The following ZFHX3 variants were observed in gnomAD, a reference collection of about 807,000 sequenced individuals.
ZFHX3 encodes the protein zinc finger homeobox 3, also known as zinc finger homeobox protein 3.
In ZFHX3, 42 loss-of-function variants were observed where a neutral mutation model predicts 279.1. The observed-to-expected ratio is 0.15, with a 90% CI of 0.12 to 0.19. The LOEUF is 0.19. Ranked by LOEUF, ZFHX3 falls within the 10% of genes least tolerant of loss-of-function variation. ZFHX3 has a pLI of 1.00. For synonymous variants in ZFHX3, 2,293 were observed against 1,957.8 expected (o/e 1.17, Z -4.52); for missense variants, 4,981 against 4,754.0 (o/e 1.05, Z -1.40).
At chr16:72,829,686 A>C (rs1247667027) in intron 5 of ZFHX3, 93 bp downstream of exon 5, 2 of 1,422,922 alleles carry the variant, frequency 1.4e-6, no homozygotes, top group African/African-American at 2.8e-5. Context: ...CCGCTCCCTG[A>C]CTTGTTAGCT....
chr16:73,783,161 G>A (rs1309719168), intron 1 of ZFHX3, among the ~76,000 whole-genome samples: 1 of 152,150 alleles, frequency 6.6e-6, no homozygotes, highest in African/African-American at 2.4e-5. Flanking sequence ...TGAGTACCGG[G>A]CCAAGATGAG....
At chr16:73,796,059 C>T (rs1304665209) in intron 1 of ZFHX3, among the ~76,000 whole-genome samples, 1 of 152,184 alleles carries the variant, frequency 6.6e-6, no homozygotes, top group African/African-American at 2.4e-5. Context: ...GAGCTTGGGA[C>T]ATTATTTCCA....
At chr16:73,688,087 T>G (rs1470782038) in intron 1 of ZFHX3, among the ~76,000 whole-genome samples, 1 of 152,002 alleles carries the variant, frequency 6.6e-6, no homozygotes, top group African/African-American at 2.4e-5. Context: ...CTGGGCACAG[T>G]GGCTCATGCC....
intron 5 of ZFHX3, among the ~76,000 whole-genome samples, chr16:72,814,608 T>A (rs1483306632): frequency 4.6e-5 from 4 of 87,462 alleles, no homozygotes; most frequent in African/African-American, 1.2e-4. Flanking sequence ...GAGGGGAACT[T>A]CTTTTTTTTT....
chr16:73,473,974 C>G (rs2018719612), intron 2 of ZFHX3, among the ~76,000 whole-genome samples: 1 of 152,068 alleles, frequency 6.6e-6, no homozygotes, highest in South Asian at 2.1e-4. Context: ...GGATTTGTTT[C>G]TGTGCCCAGA....
chr16:72,884,039 T>C (rs1482363144), intron 4 of ZFHX3, among the ~76,000 whole-genome samples: 4 of 149,242 alleles, frequency 2.7e-5, no homozygotes, highest in African/African-American at 9.8e-5. Flanking sequence ...AAAAAAAAGA[T>C]GTACTTTATA....
At chr16:73,841,098 GAA>G (rs1181173860) in intron 1 of ZFHX3, among the ~76,000 whole-genome samples, 1 of 152,184 alleles carries the variant, frequency 6.6e-6, no homozygotes, top group Non-Finnish European at 1.5e-5. Flanking sequence ...TCCAAGCGGA[GAA>G]AAGTCTTCCT....
intron 2 of ZFHX3, among the ~76,000 whole-genome samples, chr16:73,668,476 C>T (rs1458144671): frequency 6.6e-6 from 1 of 151,936 alleles, no homozygotes; most frequent in Non-Finnish European, 1.5e-5. Context: ...CACTGACAGA[C>T]CCCAGCGTGT....
At chr16:73,004,704 T>C (rs1963644061) in intron 1 of ZFHX3, among the ~76,000 whole-genome samples, 1 of 152,238 alleles carries the variant, frequency 6.6e-6, no homozygotes, top group African/African-American at 2.4e-5. Context: ...CAGTTTGTCA[T>C]ATGCCTTAAA....
chr16:73,600,622 A>G (rs1332050131), intron 2 of ZFHX3, among the ~76,000 whole-genome samples: 1 of 151,934 alleles, frequency 6.6e-6, no homozygotes, highest in Non-Finnish European at 1.5e-5. Context: ...GGGTTTCACC[A>G]TATTAGCCAG....
intron 2 of ZFHX3, among the ~76,000 whole-genome samples, chr16:72,952,486 G>A (rs1961044440): frequency 6.6e-6 from 1 of 152,130 alleles, no homozygotes; most frequent in Non-Finnish European, 1.5e-5. Flanking sequence ...ATCCCCATCA[G>A]GGCACCACCT....
chr16:73,572,042 G>A (rs2051743418), intron 2 of ZFHX3, among the ~76,000 whole-genome samples: 1 of 151,966 alleles, frequency 6.6e-6, no homozygotes, highest in South Asian at 2.1e-4. Context: ...AAGCAGAACA[G>A]GAGTTTTAAC....
At chr16:73,127,346 G>A (rs1429228672) in intron 7 of ZFHX3, 7 of 1,304,854 alleles carry the variant, frequency 5.4e-6, no homozygotes, top group Admixed American at 2.3e-5. Context: ...GAGGAAAGCC[G>A]ATAAAAAGTC....
chr16:72,896,474 A>G (rs1190779822), intron 3 of ZFHX3, among the ~76,000 whole-genome samples: 2 of 152,154 alleles, frequency 1.3e-5, no homozygotes, highest in Non-Finnish European at 2.9e-5. Flanking sequence ...CGTAACACCA[A>G]GCACAAAAAG....
At chr16:73,544,590 G>A (rs138689770) in intron 2 of ZFHX3, among the ~76,000 whole-genome samples, 62 of 152,258 alleles carry the variant, frequency 4.1e-4, no homozygotes, top group African/African-American at 1.5e-3. Flanking sequence ...AGAGAGCTTG[G>A]GGAACGGGGA....
At chr16:72,822,498 C>T (rs972750549) in intron 5 of ZFHX3, among the ~76,000 whole-genome samples, 6 of 152,050 alleles carry the variant, frequency 3.9e-5, no homozygotes, top group African/African-American at 9.7e-5. Flanking sequence ...ACCTAATGAA[C>T]GTGCTCTAAT....
intron 5 of ZFHX3, among the ~76,000 whole-genome samples, chr16:73,189,187 T>TA (rs1967978057): frequency 6.6e-6 from 1 of 152,218 alleles, no homozygotes; most frequent in Non-Finnish European, 1.5e-5. Context: ...TAAGAGGCAG[T>TA]ATGTTATCCT....
intron 5 of ZFHX3, among the ~76,000 whole-genome samples, chr16:73,244,662 T>C (rs1305371740): frequency 9.2e-5 from 14 of 152,150 alleles, no homozygotes; most frequent in Admixed American, 9.2e-4. Flanking sequence ...CGGGATCCCT[T>C]AGTGACTGGA....
At chr16:73,641,217 G>T (rs1314588853) in intron 2 of ZFHX3, among the ~76,000 whole-genome samples, 3 of 152,000 alleles carry the variant, frequency 2.0e-5, no homozygotes, top group Non-Finnish European at 2.9e-5. Flanking sequence ...AATGAGAGAA[G>T]AAACAGACAA....
Sources: allele counts gnomAD v4.1 joint callset (sites outside exome capture counted in the v4.1 genomes callset), GRCh38; gene constraint gnomAD v4.1.1; transcripts MANE v1.5; gene names NCBI Gene and HGNC (gene_info 2026-07-23, HGNC 2026-07-21).